CHST11: variants seen among roughly 807,000 people sequenced by gnomAD.
The protein encoded by CHST11 is carbohydrate sulfotransferase 11.
CHST11 carries 9 observed loss-of-function variants against 30.4 expected under a neutral mutation model. The observed-to-expected ratio is 0.30, with a 90% CI of 0.18 to 0.52. The LOEUF is 0.52. CHST11 is among the 20% of genes least tolerant of loss of function. The probability of loss-of-function intolerance (pLI) is 0.97; values close to 1 mark genes in which losing one functional copy is unlikely to be tolerated. For missense variants in CHST11, 348 were observed against 460.6 expected, an observed-to-expected ratio of 0.76 and a Z score of 2.24; for synonymous variants, 152 against 187.8, an observed-to-expected ratio of 0.81 and a Z score of 1.56.
rs556176325 is a variant in CHST11 at position 104,519,885 on chromosome 12, T to C, written c.118+62356T>C. 2.0e-5 allele frequency among the ~76,000 whole-genome samples: 3 copies of C among 152,182 alleles called. No individual in the cohort carries two copies. In the South Asian group the frequency reaches 6.2e-4, roughly 32 times the overall value. On this transcript the variant is annotated intron_variant, in intron 1 of 2. Coordinates refer to ENST00000303694, the MANE Select transcript of CHST11 (RefSeq NM_018413.6). ...AACTGTTTCGGCAAAGCCTTCACAGTTGGTTTTGTTGAAGGCTTTTCTGCA... is the reference window on the plus strand; with the variant it reads ...AACTGTTTCGGCAAAGCCTTCACAGCTGGTTTTGTTGAAGGCTTTTCTGCA...
chr12:104,735,049 CAG>C (rs1428170155), intron 2 of CHST11, among the ~76,000 whole-genome samples: 3 of 152,206 alleles, frequency 2.0e-5, no homozygotes, highest in Non-Finnish European at 4.4e-5. Flanking sequence ...GTGCTCAACA[CAG>C]GGGATTCCAG....
chr12:104,481,081 A>C (rs946907070), intron 1 of CHST11, among the ~76,000 whole-genome samples: 2 of 152,200 alleles, frequency 1.3e-5, no homozygotes, highest in Admixed American at 1.3e-4. Context: ...CTTTCCAGCT[A>C]TGAAATGGGA....
chr12:104,564,740 A>G (rs1416121678), intron 1 of CHST11, among the ~76,000 whole-genome samples: 1 of 152,214 alleles, frequency 6.6e-6, no homozygotes, highest in Non-Finnish European at 1.5e-5. Flanking sequence ...TACTGCTATC[A>G]AGAAATACCC....
rs1208614929 is a variant in CHST11 at position 104,457,451 on chromosome 12, A to G, written c.40A>G (p.Ile14Val). Residue 14 changes from isoleucine (I) to valine (V), a missense_variant, in exon 1 of 3, where the codon ATC becomes GTC. By Grantham distance (29) the Ile-to-Val change is conservative (BLOSUM62 3). Transcript: ENST00000303694. ...ALLEVMRMNRICRMVLATCLG... is the reference protein window; with the variant it reads ...ALLEVMRMNRVCRMVLATCLG... ...GCTGGAAGTGATGAGGATGAACAGAATCTGCCGGATGGTGCTGGCCACTTG... is the reference window on the plus strand; with the variant it reads ...GCTGGAAGTGATGAGGATGAACAGAGTCTGCCGGATGGTGCTGGCCACTTG... 3.1e-6 allele frequency: 5 copies of G among 1,614,184 alleles called. No homozygotes were observed. Among genetic ancestry groups the G allele is most frequent in the Non-Finnish European group, 4.2e-6 (5 of 1,179,990 alleles).
intron 2 of CHST11, among the ~76,000 whole-genome samples, chr12:104,669,091 G>A (rs922962932): frequency 1.3e-5 from 2 of 152,218 alleles, no homozygotes; most frequent in African/African-American, 4.8e-5. Context: ...TGCAGCGTGC[G>A]TTAGACGTAC....
At chr12:104,682,112 C>T (rs913284842) in intron 2 of CHST11, among the ~76,000 whole-genome samples, 7 of 152,108 alleles carry the variant, frequency 4.6e-5, no homozygotes, top group Admixed American at 1.3e-4. Flanking sequence ...GGATTACAGG[C>T]GTGAGCCACC....
chr12:104,591,390 G>A (rs1435014409), intron 1 of CHST11, among the ~76,000 whole-genome samples: 1 of 152,024 alleles, frequency 6.6e-6, no homozygotes, highest in Non-Finnish European at 1.5e-5. Flanking sequence ...AGCCCAAGGG[G>A]AAGGCGATGA....
chr12:104,617,472 TCAAA>T (rs143384325), intron 2 of CHST11, among the ~76,000 whole-genome samples: 204 of 152,180 alleles, frequency 1.3e-3, no homozygotes, highest in African/African-American at 4.6e-3. Flanking sequence ...GCAGCAAATC[TCAAA>T]CAATGCAGTT....
At chr12:104,459,765 A>G (rs904483883) in intron 1 of CHST11, among the ~76,000 whole-genome samples, 1 of 152,118 alleles carries the variant, frequency 6.6e-6, no homozygotes, top group African/African-American at 2.4e-5. Context: ...ATCCTGCCCC[A>G]TCCTTTATGT....
At chr12:104,681,179 TG>T (rs1357074713) in intron 2 of CHST11, among the ~76,000 whole-genome samples, 2 of 152,230 alleles carry the variant, frequency 1.3e-5, no homozygotes, top group Non-Finnish European at 2.9e-5. Context: ...TGAGTACAGC[TG>T]GGCTGTCTAA....
intron 2 of CHST11, among the ~76,000 whole-genome samples, chr12:104,679,196 A>G (rs902560458): frequency 5.3e-5 from 8 of 152,210 alleles, no homozygotes; most frequent in African/African-American, 1.9e-4. Flanking sequence ...TAAATGATCA[A>G]GTCAAGATTC....
intron 2 of CHST11, among the ~76,000 whole-genome samples, chr12:104,643,186 C>G (rs1469255973): frequency 1.3e-5 from 2 of 151,810 alleles, no homozygotes; most frequent in Admixed American, 1.3e-4. Context: ...ATTAGCTGGG[C>G]ATGACGGCAC....
chr12:104,617,881 C>T (rs1043776143), intron 2 of CHST11, among the ~76,000 whole-genome samples: 4 of 151,854 alleles, frequency 2.6e-5, no homozygotes, highest in African/African-American at 9.7e-5. Context: ...AGTACACAGT[C>T]AAATACATAT....
intron 2 of CHST11, among the ~76,000 whole-genome samples, chr12:104,627,881 AATT>A (rs1431821859): frequency 3.3e-5 from 5 of 152,130 alleles, no homozygotes; most frequent in Non-Finnish European, 5.9e-5. Context: ...GACTGGTGGT[AATT>A]ATTGTTGTTA....
At chr12:104,573,081 G>T (rs953289872) in intron 1 of CHST11, among the ~76,000 whole-genome samples, 2 of 152,324 alleles carry the variant, frequency 1.3e-5, no homozygotes, top group East Asian at 3.9e-4. Flanking sequence ...CAGACAGAGA[G>T]CCAAATCATG....
chr12:104,605,442 G>A (rs1287391551), intron 2 of CHST11, among the ~76,000 whole-genome samples: 1 of 152,182 alleles, frequency 6.6e-6, no homozygotes, highest in Non-Finnish European at 1.5e-5. Context: ...CTATGGGCGT[G>A]GTGGCGGGCG....
intron 2 of CHST11, among the ~76,000 whole-genome samples, chr12:104,614,546 A>T (rs2136055658): frequency 6.6e-6 from 1 of 152,312 alleles, no homozygotes; most frequent in Non-Finnish European, 1.5e-5. Context: ...GATTAAAAAA[A>T]TTTAAAAAAT....
intron 1 of CHST11, among the ~76,000 whole-genome samples, chr12:104,544,251 T>C (rs553407769): frequency 3.7e-4 from 56 of 151,954 alleles, no homozygotes; most frequent in Middle Eastern, 3.4e-3. Flanking sequence ...CTAAAGAAAG[T>C]ATTGGTCAAC....
intron 2 of CHST11, among the ~76,000 whole-genome samples, chr12:104,728,838 G>C (rs1360765784): frequency 1.3e-5 from 2 of 152,204 alleles, no homozygotes; most frequent in Non-Finnish European, 2.9e-5. Flanking sequence ...GCAGACATGA[G>C]TGTGGAGATG....
Sources: allele counts gnomAD v4.1 joint callset (sites outside exome capture counted in the v4.1 genomes callset), GRCh38; gene constraint gnomAD v4.1.1; transcripts MANE v1.5; gene names NCBI Gene and HGNC (gene_info 2026-07-23, HGNC 2026-07-21).